The following SDK1 variants were observed in gnomAD, a reference collection of about 807,000 sequenced individuals.
The protein encoded by SDK1 is sidekick cell adhesion molecule 1, also known as protein sidekick-1.
In SDK1, 157 loss-of-function variants were observed where a neutral mutation model predicts 245.5. The observed-to-expected ratio is 0.64, with a 90% CI of 0.56 to 0.73. The LOEUF is 0.73. SDK1 is among the 30% of genes least tolerant of loss of function. The probability of loss-of-function intolerance (pLI) is 0.00; values close to 1 mark genes in which losing one functional copy is unlikely to be tolerated. For synonymous variants in SDK1, 1,647 were observed against 1,278.5 expected (o/e 1.29, Z -6.15); for missense variants, 3,583 against 3,002.3 (o/e 1.19, Z -4.52).
chr7:3,470,829 C>T (rs1020625203), intron 1 of SDK1, among the ~76,000 whole-genome samples: 1 of 152,148 alleles, frequency 6.6e-6, no homozygotes, highest in Non-Finnish European at 1.5e-5. Flanking sequence ...AAGCAAATAT[C>T]ATATAAATGC....
chr7:3,971,932 A>C (rs1022332930), intron 12 of SDK1, among the ~76,000 whole-genome samples: 3 of 151,996 alleles, frequency 2.0e-5, no homozygotes, highest in South Asian at 2.1e-4. Flanking sequence ...GGGCTGTGCC[A>C]CTCCCGGGAG....
intron 14 of SDK1, among the ~76,000 whole-genome samples, chr7:3,990,925 C>G (rs549125342): frequency 6.6e-6 from 1 of 152,312 alleles, no homozygotes; most frequent in East Asian, 1.9e-4. Flanking sequence ...AAGCAGGTTT[C>G]GTGTGTAACT....
intron 5 of SDK1, among the ~76,000 whole-genome samples, chr7:3,902,113 G>T (rs533763381): frequency 4.6e-5 from 7 of 152,114 alleles, no homozygotes; most frequent in Admixed American, 4.6e-4. Flanking sequence ...TGATATTTAC[G>T]AACCAAGATC....
At chr7:3,382,458 C>T (rs1335724802) in intron 1 of SDK1, among the ~76,000 whole-genome samples, 2 of 152,260 alleles carry the variant, frequency 1.3e-5, no homozygotes, top group Middle Eastern at 3.4e-3. Flanking sequence ...TATAAAACAT[C>T]GGCATTTTTA....
intron 4 of SDK1, among the ~76,000 whole-genome samples, chr7:3,715,466 C>G (rs145821490): frequency 7.5e-4 from 114 of 152,270 alleles, no homozygotes; most frequent in African/African-American, 2.6e-3. Flanking sequence ...CCTACCGAAC[C>G]AGACACCCCT....
intron 4 of SDK1, among the ~76,000 whole-genome samples, chr7:3,704,386 A>G (rs1554251674): frequency 1.3e-5 from 2 of 150,768 alleles, no homozygotes; most frequent in African/African-American, 2.4e-5. Context: ...TTACTTTTTA[A>G]TAATGGCCAT....
intron 1 of SDK1, among the ~76,000 whole-genome samples, chr7:3,376,768 C>T (rs778644407): frequency 3.8e-4 from 58 of 152,188 alleles, no homozygotes; most frequent in Middle Eastern, 6.8e-3. Flanking sequence ...CTAAGGTAAT[C>T]GGACACACAC....
At chr7:4,068,005 T>C in intron 20 of SDK1, 69 bp downstream of exon 20, 2 of 1,146,458 alleles carry the variant, frequency 1.7e-6, no homozygotes, top group Non-Finnish European at 2.6e-6. Context: ...GGCTGTCACT[T>C]CAAACCAAAC....
chr7:4,017,108 G>T, intron 16 of SDK1, 63 bp from the exon 17 acceptor site: 1 of 1,479,812 alleles, frequency 6.8e-7, no homozygotes, highest in Non-Finnish European at 9.1e-7. Flanking sequence ...GAATAACTGC[G>T]GGTAAACACC....
At chr7:3,349,079 A>G (rs890229863) in intron 1 of SDK1, among the ~76,000 whole-genome samples, 1 of 152,020 alleles carries the variant, frequency 6.6e-6, no homozygotes, top group Admixed American at 6.5e-5. Flanking sequence ...GTTGAAGTGC[A>G]CTTCAGTTTT....
intron 5 of SDK1, among the ~76,000 whole-genome samples, chr7:3,878,431 G>T (rs373100491): frequency 6.6e-6 from 1 of 152,096 alleles, no homozygotes; most frequent in South Asian, 2.1e-4. Flanking sequence ...GCAGGAGAAT[G>T]GCGTGAACCC....
intron 2 of SDK1, among the ~76,000 whole-genome samples, chr7:3,626,295 C>T (rs1424082309): frequency 6.6e-6 from 1 of 152,144 alleles, no homozygotes; most frequent in Non-Finnish European, 1.5e-5. Flanking sequence ...ATTCCTTGAA[C>T]CCCTCAGTGT....
intron 30 of SDK1, among the ~76,000 whole-genome samples, chr7:4,154,706 A>G (rs760276520): frequency 2.0e-5 from 3 of 152,210 alleles, no homozygotes; most frequent in African/African-American, 4.8e-5. Context: ...CTCCATGTCC[A>G]TAGCCGAATA....
chr7:3,352,241 A>G lies in SDK1; in HGVS notation c.298+50357A>G, dbSNP rs60666675. 8.4e-3 allele frequency among the ~76,000 whole-genome samples: 1,263 copies of G among 151,214 alleles called. 23 individuals are homozygous for G. Among genetic ancestry groups the G allele is most frequent in the African/African-American group, 0.029 (1,188 of 41,144 alleles). On this transcript the variant is annotated intron_variant, in intron 1 of 44. Coordinates refer to ENST00000404826, the MANE Select transcript of SDK1 (RefSeq NM_152744.4). ...CTGTACTTCTGACCCTACTAAATGT[A>G]AAAATTGTCAGGATTTGGGAGGTTT...
chr7:3,633,598 T>A (rs1642116289), intron 2 of SDK1, among the ~76,000 whole-genome samples: 1 of 152,192 alleles, frequency 6.6e-6, no homozygotes, highest in South Asian at 2.1e-4. Flanking sequence ...TTTTTTTGTT[T>A]ATTTTTTCTT....
chr7:4,199,332 G>A (rs1387138564), intron 35 of SDK1, among the ~76,000 whole-genome samples: 1 of 152,212 alleles, frequency 6.6e-6, no homozygotes, highest in South Asian at 2.1e-4. Context: ...AAGCCGCAGA[G>A]CCGGTTGGCT....
At chr7:4,162,691 T>C (rs1230566568) in intron 32 of SDK1, among the ~76,000 whole-genome samples, 1 of 152,144 alleles carries the variant, frequency 6.6e-6, no homozygotes, top group East Asian at 1.9e-4. Flanking sequence ...TGAGCCACTG[T>C]GCCCAGCCAA....
intron 35 of SDK1, 149 bp from the exon 36 acceptor site, chr7:4,205,730 C>T (rs1784178131): frequency 3.0e-6 from 2 of 675,436 alleles, no homozygotes; most frequent in Admixed American, 2.4e-5. Context: ...TCTAAGGCCT[C>T]CTAAGCCAGG....
intron 15 of SDK1, among the ~76,000 whole-genome samples, chr7:4,011,723 G>A (rs1785980813): frequency 1.3e-5 from 2 of 152,106 alleles, no homozygotes; most frequent in South Asian, 4.1e-4. Flanking sequence ...TTCAAAATGT[G>A]GGAGTTTGAT....
Sources: gnomAD v4.1 joint callset for allele counts (sites outside exome capture counted in the v4.1 genomes callset) on GRCh38, gnomAD v4.1.1 for gene constraint, MANE v1.5 for transcripts, NCBI Gene and HGNC (gene_info 2026-07-23, HGNC 2026-07-21) for gene names.